Variants in MBNL2 observed in about 807,000 individuals in gnomAD.
The protein encoded by MBNL2 is muscleblind like splicing regulator 2, also known as muscleblind-like protein 2.
In MBNL2, 17 loss-of-function variants were observed where a neutral mutation model predicts 41.9. The observed-to-expected ratio is 0.41, with a 90% CI of 0.28 to 0.61. The LOEUF is 0.61. Ranked by LOEUF, MBNL2 falls within the 20% of genes least tolerant of loss-of-function variation. The probability of loss-of-function intolerance (pLI) is 0.35; values close to 1 mark genes in which losing one functional copy is unlikely to be tolerated. For synonymous variants in MBNL2, 195 were observed against 182.9 expected (o/e 1.07, Z -0.53); for missense variants, 336 against 505.6 (o/e 0.66, Z 3.22).
In MBNL2 at chr13:97,244,093, C is replaced by G. The variant is rs539364755; in HGVS notation, c.-605+21562C>G. ...AAAACAGATTCATCTCATGTAACAA[C>G]GAATAATGGTGGTTTCAAAGTCCTC... On this transcript the variant is annotated intron_variant, in intron 1 of 8. Coordinates refer to ENST00000679496, the MANE Select transcript of MBNL2 (RefSeq NM_001382683.1). Among the ~76,000 whole-genome samples the G allele has an allele frequency of 3.9e-5, 6 of 152,220 alleles. No homozygotes were observed. The South Asian group carries it at 6.2e-4, about 16-fold the overall frequency.
At chr13:97,248,729 A>T (rs1056823920) in intron 1 of MBNL2, among the ~76,000 whole-genome samples, 10 of 152,232 alleles carry the variant, frequency 6.6e-5, no homozygotes, top group African/African-American at 2.4e-4. Context: ...TTCTTCTAAA[A>T]TCCTATAAAA....
chr13:97,276,117 TTA>T lies in MBNL2; in HGVS notation c.-117_-116del, dbSNP rs1213303475. ...CTTGGATTGGACTTCACTAAGCAAT[TTA>T]TCACTCACCTTCAGACTTACATGTG... is the stretch of plus-strand genomic sequence containing the variant. On this transcript the variant is annotated 5_prime_UTR_variant, in exon 2 of 9. It removes the in-frame stop codon of an upstream open reading frame in the 5' UTR. Transcript: ENST00000679496. The T allele has an allele frequency of 1.3e-6, 1 of 746,618 alleles. No homozygotes were observed. Among genetic ancestry groups the T allele is most frequent in the Non-Finnish European group, 2.3e-6 (1 of 443,194 alleles). The allele number at this position is 746,618 out of a possible 1,614,324, so 46.2% of individuals were successfully genotyped here. A position where few individuals can be genotyped will look rare whatever the true frequency, so the allele number is the denominator to read the frequency against.
the MBNL2 span, among the ~76,000 whole-genome samples, chr13:97,212,878 T>C: frequency 1.3e-5 from 2 of 152,110 alleles, no homozygotes; most frequent in African/African-American, 4.8e-5. Flanking sequence ...CGCTGAAACA[T>C]GGAATTTAGA....
At chr13:97,303,151 G>A (rs151095244) in intron 2 of MBNL2, among the ~76,000 whole-genome samples, 5 of 152,288 alleles carry the variant, frequency 3.3e-5, no homozygotes, top group East Asian at 3.9e-4. Context: ...CAGGGAAATC[G>A]TGTCCCAGTG....
chr13:97,284,872 A>G (rs1375289987), intron 2 of MBNL2, among the ~76,000 whole-genome samples: 1 of 152,254 alleles, frequency 6.6e-6, no homozygotes, highest in Non-Finnish European at 1.5e-5. Context: ...CTATAAATGA[A>G]TGGAGTACAA....
chr13:97,196,704 A>G, the MBNL2 span, among the ~76,000 whole-genome samples: 1 of 152,168 alleles, frequency 6.6e-6, no homozygotes, highest in Non-Finnish European at 1.5e-5. Flanking sequence ...GGGTGTCCAT[A>G]GGGGATCAAT....
chr13:97,177,500 A>AG, the MBNL2 span, among the ~76,000 whole-genome samples: 1 of 152,230 alleles, frequency 6.6e-6, no homozygotes, highest in East Asian at 1.9e-4. Context: ...GATAAAGTCC[A>AG]GGGTAAAGTA....
intron 2 of MBNL2, among the ~76,000 whole-genome samples, chr13:97,313,819 C>A (rs563985422): frequency 6.6e-6 from 1 of 152,126 alleles, no homozygotes; most frequent in African/African-American, 2.4e-5. Flanking sequence ...ACATGTAAGC[C>A]CTTTATGCTC....
the MBNL2 span, among the ~76,000 whole-genome samples, chr13:97,186,656 C>T: frequency 6.6e-4 from 101 of 152,238 alleles, no homozygotes; most frequent in South Asian, 0.011. Context: ...GGTCTAAACA[C>T]GGGATCTGCC....
chr13:97,227,065 C>A lies in MBNL2; in HGVS notation c.-605+4534C>A, dbSNP rs200174596. On this transcript the variant is annotated intron_variant, in intron 1 of 8. Coordinates refer to ENST00000679496, the MANE Select transcript of MBNL2 (RefSeq NM_001382683.1). The stretch of plus-strand genomic sequence containing the variant: ...CAAAAAAAAAAAACAAAAAAAAAAT[C>A]AAAAAAAAAAAATATATTTCCTTTT... Among the ~76,000 whole-genome samples, 17 of 143,926 alleles carry A rather than the reference C, an allele frequency of 1.2e-4. 1 individual carries two copies. Among genetic ancestry groups the A allele is most frequent in the South Asian group, 4.4e-4 (2 of 4,578 alleles). 94.4% of individuals were successfully genotyped at this position (143,926 alleles called of 152,430 possible). A position where few individuals can be genotyped will look rare whatever the true frequency, so the allele number is the denominator to read the frequency against.
the MBNL2 span, among the ~76,000 whole-genome samples, chr13:97,200,962 TTTCTCATC>T: frequency 6.6e-6 from 1 of 152,182 alleles, no homozygotes; most frequent in Non-Finnish European, 1.5e-5. Flanking sequence ...TGAAAGTTCA[TTTCTCATC>T]AACTATCTTT....
chr13:97,218,065 G>A (rs1473111111), upstream of MBNL2, among the ~76,000 whole-genome samples: 1 of 152,132 alleles, frequency 6.6e-6, no homozygotes, highest in African/African-American at 2.4e-5. Context: ...AATAAAAAAT[G>A]ATTTTAGTTT....
Position 97,366,599 on chromosome 13 carries a change from T to A in MBNL2, c.1048+1428T>A, listed in dbSNP as rs955818950. On this transcript the variant is annotated intron_variant, in intron 8 of 8. Coordinates refer to ENST00000679496, the MANE Select transcript of MBNL2 (RefSeq NM_001382683.1). This position sits in a 1 kb window ranked among gnomAD's most constrained non-coding sequence, Gnocchi z 4.7. ...TCTTTCACAAATCCCAAACTCTAAA[T>A]GAGTGCTGATATTTAAAAAAAAAAT... 1.7e-6 allele frequency: 2 copies of A among 1,146,262 alleles called. No individual in the cohort carries two copies. The highest frequency in any genetic ancestry group is 2.6e-6 in the Non-Finnish European group (2 of 761,582). 71.0% of individuals were successfully genotyped at this position (1,146,262 alleles called of 1,614,324 possible). A position where few individuals can be genotyped will look rare whatever the true frequency, so the allele number is the denominator to read the frequency against.
chr13:97,356,910 G>T, intron 6 of MBNL2, 61 bp downstream of exon 6: 1 of 1,069,216 alleles, frequency 9.4e-7, no homozygotes, highest in South Asian at 1.4e-5. Flanking sequence ...TCTGAGATTT[G>T]TATTACTTGT....
rs985800549 is a variant in MBNL2, at chr13:97,393,664, G to A, written c.*2215G>A. ...ATTTTGCTTTTTATTTATTTATAATGTAATTTTATAGAATAATTCTGGGAT... is the reference window on the plus strand; with the variant it reads ...ATTTTGCTTTTTATTTATTTATAATATAATTTTATAGAATAATTCTGGGAT... On this transcript the variant is annotated 3_prime_UTR_variant, in exon 9 of 9. Coordinates refer to ENST00000679496, the MANE Select transcript of MBNL2 (RefSeq NM_001382683.1). The A allele has an allele frequency of 6.6e-6, 1 of 152,416 alleles. No individual in the cohort carries two copies. The highest frequency in any genetic ancestry group is 2.4e-5 in the African/African-American group (1 of 41,432). The allele number at this position is 152,416 out of a possible 1,614,324, so 9.4% of individuals were successfully genotyped here. A position where few individuals can be genotyped will look rare whatever the true frequency, so the allele number is the denominator to read the frequency against.
chr13:97,272,942 A>G (rs966350898), intron 1 of MBNL2, among the ~76,000 whole-genome samples: 1 of 152,238 alleles, frequency 6.6e-6, no homozygotes, highest in African/African-American at 2.4e-5. Context: ...GGGAAAAAAT[A>G]TATATTTCTT....
the MBNL2 span, among the ~76,000 whole-genome samples, chr13:97,193,841 A>G: frequency 1.3e-5 from 2 of 152,166 alleles, no homozygotes; most frequent in African/African-American, 4.8e-5. Context: ...AGCATCTTCA[A>G]TGAACCTCAC....
chr13:97,157,986 G>C, the MBNL2 span, among the ~76,000 whole-genome samples: 2 of 147,234 alleles, frequency 1.4e-5, no homozygotes, highest in African/African-American at 5.0e-5. Context: ...GTTCCTCCTT[G>C]TACCTCTGGT....
intron 8 of MBNL2, among the ~76,000 whole-genome samples, chr13:97,375,506 C>A (rs1355280698): frequency 1.3e-5 from 2 of 152,110 alleles, no homozygotes; most frequent in African/African-American, 4.8e-5. Context: ...ACACCATGAC[C>A]AGCTGGAAAT....
Sources: allele counts gnomAD v4.1 joint callset (sites outside exome capture counted in the v4.1 genomes callset), GRCh38; gene constraint gnomAD v4.1.1; non-coding constraint Gnocchi (gnomAD v3.1); transcripts MANE v1.5; gene names NCBI Gene and HGNC (gene_info 2026-07-23, HGNC 2026-07-21).